KDM7A: variants seen among roughly 807,000 people sequenced by gnomAD.
KDM7A encodes lysine-specific demethylase 7A.
In KDM7A, 28 loss-of-function variants were observed where a neutral mutation model predicts 114.8. The ratio of observed to expected loss-of-function variants is 0.24; its 90% CI spans 0.18 to 0.33. The LOEUF (loss-of-function observed/expected upper bound fraction) is 0.33, where lower values mean the gene tolerates loss of function less well. Ranked by LOEUF, KDM7A falls within the 10% of genes least tolerant of loss-of-function variation. The pLI, the probability that KDM7A is intolerant of heterozygous loss-of-function variation, is 1.00. For synonymous variants in KDM7A, 423 were observed against 397.8 expected (o/e 1.06, Z -0.75); for missense variants, 942 against 1,142.5 (o/e 0.82, Z 2.53).
chr7:140,131,904 C>T (rs1293996329), intron 3 of KDM7A, among the ~76,000 whole-genome samples: 2 of 152,134 alleles, frequency 1.3e-5, no homozygotes, highest in Admixed American at 6.5e-5. Flanking sequence ...TACCTCACAA[C>T]ATTTAGGGAG....
Position 140,090,547 on chromosome 7 carries a change from A to G in KDM7A, c.*547T>C, listed in dbSNP as rs552918608. ...AATTAATGCATCAAATCCCTGTTTA[A>G]GACTTTAACCTGAATATCAAATTTA... is the stretch of plus-strand genomic sequence containing the variant. On this transcript the variant is annotated 3_prime_UTR_variant, in exon 20 of 20. Transcript: ENST00000397560. 6.6e-6 allele frequency: 1 copy of G among 152,350 alleles called. No homozygotes were observed. The highest frequency in any genetic ancestry group is 2.4e-5 in the African/African-American group (1 of 41,568). The allele number at this position is 152,350 out of a possible 1,614,324, so 9.4% of individuals were successfully genotyped here. A position where few individuals can be genotyped will look rare whatever the true frequency, so the allele number is the denominator to read the frequency against.
chr7:140,137,529 TCAA>T (rs1818891398), intron 2 of KDM7A, among the ~76,000 whole-genome samples: 2 of 152,156 alleles, frequency 1.3e-5, no homozygotes, highest in African/African-American at 4.8e-5. Flanking sequence ...TTACTCCCAG[TCAA>T]CAATTATTTC....
At chr7:140,130,714 T>C (rs186190293) in intron 3 of KDM7A, among the ~76,000 whole-genome samples, 15 of 152,136 alleles carry the variant, frequency 9.9e-5, no homozygotes, top group South Asian at 2.1e-4. Context: ...TAATGGAACA[T>C]AGAACAATTA....
chr7:140,163,942 A>G (rs1397717152), intron 1 of KDM7A, among the ~76,000 whole-genome samples: 1 of 152,198 alleles, frequency 6.6e-6, no homozygotes, highest in Admixed American at 6.5e-5. Flanking sequence ...ATAACATTTT[A>G]TAATTATAAT....
At position 140,089,557 on chromosome 7, in the gene KDM7A, A is replaced by G. The variant is rs1376716339; in HGVS notation, c.*1537T>C. ...AAATAAATTTTATCTATTTGCCTAT[A>G]TTTTCTTTGTAGGAATTTGTAAAAT... On this transcript the variant is annotated 3_prime_UTR_variant, in exon 20 of 20. Transcript: ENST00000397560. The G allele has an allele frequency of 6.6e-6, 1 of 152,020 alleles. No homozygotes were observed. Among genetic ancestry groups the G allele is most frequent in the Non-Finnish European group, 1.5e-5 (1 of 68,004 alleles). The allele number at this position is 152,020 out of a possible 1,614,324, so 9.4% of individuals were successfully genotyped here.
rs1238315183 is a variant in KDM7A, at chr7:140,087,606, A to G, written c.*3488T>C. 1 of 152,224 alleles carries G rather than the reference A, an allele frequency of 6.6e-6. No individual in the cohort carries two copies. The highest frequency in any genetic ancestry group is 2.4e-5 in the African/African-American group (1 of 41,462). 9.4% of individuals were successfully genotyped at this position (152,224 alleles called of 1,614,324 possible). The stretch of plus-strand genomic sequence containing the variant: ...ATTTTCTTAATTGATTATCATAATA[A>G]ACACTTTAATCCAAATTTACAAATG... On this transcript the variant is annotated 3_prime_UTR_variant, in exon 20 of 20. Transcript: ENST00000397560.
intron 1 of KDM7A, among the ~76,000 whole-genome samples, chr7:140,148,128 G>C (rs1794359540): frequency 6.6e-6 from 1 of 151,632 alleles, no homozygotes; most frequent in African/African-American, 2.4e-5. Context: ...AGCCCAAATA[G>C]GAACTAGGCT....
chr7:140,135,022 G>A (rs1237273408), intron 2 of KDM7A, among the ~76,000 whole-genome samples: 3 of 136,562 alleles, frequency 2.2e-5, no homozygotes, highest in Non-Finnish European at 3.1e-5. Context: ...CAATATGGAA[G>A]AGCGTAAGTC....
chr7:140,160,862 G>C (rs908999371), intron 1 of KDM7A, among the ~76,000 whole-genome samples: 2 of 152,162 alleles, frequency 1.3e-5, no homozygotes, highest in African/African-American at 2.4e-5. Flanking sequence ...TGGATGGTTG[G>C]AAAAGCAGGT....
intron 1 of KDM7A, among the ~76,000 whole-genome samples, chr7:140,162,025 C>T (rs2116850229): frequency 6.6e-6 from 1 of 152,126 alleles, no homozygotes; most frequent in African/African-American, 2.4e-5. Context: ...TTACTGCACA[C>T]ATCAAACTGT....
In KDM7A at chr7:140,096,659, G is replaced by A. The variant is rs1348544854; in HGVS notation, c.2270C>T (p.Thr757Ile). 6.2e-7 allele frequency: 1 copy of A among 1,614,102 alleles called. No homozygotes were observed. The stretch of plus-strand genomic sequence containing the variant: ...AGAGTTTCTTTCACCACTGCAGTCT[G>A]TGCTTTGTATTTGCCTTTGTAAACA... ...STCLQRQIQS[T>I]DCSGERNSLQ... The change falls in exon 17 of 20, where the codon ACA becomes ATA. Residue 757 changes from threonine (T) to isoleucine (I), a missense_variant. By Grantham distance (89) the Thr-to-Ile change is moderately conservative (BLOSUM62 -1). Around this residue, in one of 4 missense-constraint regions of KDM7A, gnomAD observed 512 missense variants for 576.6 expected, o/e 0.89. Transcript: ENST00000397560.
chr7:140,138,311 T>TAA lies in KDM7A; in HGVS notation c.280+792_280+793dup, dbSNP rs201914719. 2.8e-5 allele frequency among the ~76,000 whole-genome samples: 4 copies of TAA among 144,540 alleles called. No homozygotes were observed. In the East Asian group the frequency reaches 6.0e-4, roughly 22 times the overall value. 94.8% of individuals were successfully genotyped at this position (144,540 alleles called of 152,430 possible). ...TGACAGAGCAAGACCCTGTCTCAAA[T>TAA]AAAAAAAAAAAAATTTATAACATAA... is the stretch of plus-strand genomic sequence containing the variant. On this transcript the variant is annotated intron_variant, in intron 2 of 19. Coordinates refer to ENST00000397560, the MANE Select transcript of KDM7A (RefSeq NM_030647.2).
chr7:140,094,743 C>G (rs1208438400), intron 17 of KDM7A: 1 of 152,498 alleles, frequency 6.6e-6, no homozygotes, highest in Non-Finnish European at 1.5e-5. Context: ...ACAAAGAAAT[C>G]TGTAATTGTT....
intron 1 of KDM7A, among the ~76,000 whole-genome samples, chr7:140,148,934 G>T (rs1431367790): frequency 6.6e-6 from 1 of 151,902 alleles, no homozygotes; most frequent in Non-Finnish European, 1.5e-5. Flanking sequence ...TATGCTTAAG[G>T]GGTCTGAAGT....
chr7:140,099,651 T>C (rs1585138639), intron 13 of KDM7A, among the ~76,000 whole-genome samples: 1 of 152,150 alleles, frequency 6.6e-6, no homozygotes, highest in Non-Finnish European at 1.5e-5. Context: ...CAGCATTAGA[T>C]TGTCATAGGA....
chr7:140,100,719 T>TATATATATATATATATACAC (rs1562946086), intron 12 of KDM7A, among the ~76,000 whole-genome samples: 11 of 59,712 alleles, frequency 1.8e-4, no homozygotes, highest in Non-Finnish European at 3.1e-4. Flanking sequence ...CACATATATA[T>TATATATATATATATATACAC]ATATATATAT....
At chr7:140,151,876 C>T (rs1157406251) in intron 1 of KDM7A, among the ~76,000 whole-genome samples, 1 of 152,140 alleles carries the variant, frequency 6.6e-6, no homozygotes, top group Non-Finnish European at 1.5e-5. Context: ...GAAGGGAAAG[C>T]TATATTTTCT....
intron 11 of KDM7A, among the ~76,000 whole-genome samples, chr7:140,102,499 T>C (rs1818248021): frequency 1.3e-5 from 2 of 152,032 alleles, no homozygotes; most frequent in Admixed American, 1.3e-4. Context: ...CCTCCTACCT[T>C]AGCCTCCCAA....
chr7:140,151,536 T>A (rs1426930924), intron 1 of KDM7A, among the ~76,000 whole-genome samples: 1 of 152,208 alleles, frequency 6.6e-6, no homozygotes, highest in Non-Finnish European at 1.5e-5. Context: ...AACTGATTAT[T>A]TTTTTCTTTC....
Sources: gnomAD v4.1 joint callset for allele counts (sites outside exome capture counted in the v4.1 genomes callset) on GRCh38, gnomAD v4.1.1 for gene constraint, gnomAD v4.1.1 regional missense constraint, MANE v1.5 for transcripts, NCBI Gene and HGNC (gene_info 2026-07-23, HGNC 2026-07-21) for gene names.